Variants in SLIT3 observed in about 807,000 individuals in gnomAD.
SLIT3 encodes slit homolog 3 protein.
SLIT3 carries 68 observed loss-of-function variants against 184.0 expected under a neutral mutation model. The ratio of observed to expected loss-of-function variants is 0.37; its 90% CI spans 0.30 to 0.45. The LOEUF is 0.45. Among genes scored for constraint, SLIT3 ranks in the 20% least tolerant of loss-of-function variants. SLIT3 has a pLI of 1.00. For missense variants in SLIT3, 1,707 were observed against 2,026.0 expected (o/e 0.84, Z 3.02); for synonymous variants, 831 against 828.6 (o/e 1.00, Z -0.05).
chr5:168,976,595 C>G (rs1754771323), intron 4 of SLIT3, among the ~76,000 whole-genome samples: 1 of 152,210 alleles, frequency 6.6e-6, no homozygotes, highest in Non-Finnish European at 1.5e-5. Context: ...CTGTATGTGA[C>G]AGCTGCAGGA....
intron 6 of SLIT3, among the ~76,000 whole-genome samples, chr5:168,829,356 CCTCT>C (rs1757806770): frequency 6.6e-6 from 1 of 152,224 alleles, no homozygotes; most frequent in African/African-American, 2.4e-5. Flanking sequence ...GCCACTGCAG[CCTCT>C]CTGTGTGCCA....
chr5:168,996,176 G>A (rs1273890436), intron 4 of SLIT3, among the ~76,000 whole-genome samples: 1 of 152,182 alleles, frequency 6.6e-6, no homozygotes, highest in East Asian at 1.9e-4. Flanking sequence ...CTCTTTTCTT[G>A]AAGGGAGGCC....
chr5:169,133,954 C>T (rs113743914), intron 4 of SLIT3, among the ~76,000 whole-genome samples: 230 of 152,318 alleles, frequency 1.5e-3, no homozygotes, highest in African/African-American at 5.4e-3. Flanking sequence ...AGAGCACAAG[C>T]TGTTAAAACA....
At chr5:169,025,238 T>C (rs1664632820) in intron 4 of SLIT3, among the ~76,000 whole-genome samples, 1 of 152,146 alleles carries the variant, frequency 6.6e-6, no homozygotes, top group South Asian at 2.1e-4. Flanking sequence ...TTAAAGACAC[T>C]ATTATTCAAG....
At chr5:168,946,807 G>C (rs1245058556) in intron 4 of SLIT3, among the ~76,000 whole-genome samples, 2 of 152,166 alleles carry the variant, frequency 1.3e-5, no homozygotes, top group Non-Finnish European at 2.9e-5. Context: ...GGTTTAGAAA[G>C]GGTGTCTTCA....
chr5:169,101,430 T>A (rs1036949424), intron 4 of SLIT3, among the ~76,000 whole-genome samples: 1 of 152,194 alleles, frequency 6.6e-6, no homozygotes, highest in Non-Finnish European at 1.5e-5. Context: ...GTTAAGAGAT[T>A]AAATTCTTAT....
chr5:169,024,089 C>T (rs1406042525), intron 4 of SLIT3: 1 of 152,104 alleles, frequency 6.6e-6, no homozygotes, highest in Non-Finnish European at 1.5e-5. Context: ...GTAGATGGAC[C>T]AGAAAGGTGA....
chr5:168,896,706 G>A (rs1760676106), intron 4 of SLIT3, among the ~76,000 whole-genome samples: 1 of 152,194 alleles, frequency 6.6e-6, no homozygotes, highest in Admixed American at 6.5e-5. Context: ...GAAAATGGTT[G>A]ACTGTGCAGC....
At chr5:169,229,474 AC>A (rs1764920181) in intron 3 of SLIT3, among the ~76,000 whole-genome samples, 1 of 152,166 alleles carries the variant, frequency 6.6e-6, no homozygotes. Context: ...GACATAAAAG[AC>A]TATTAAGTTC....
chr5:169,189,527 GATATATATATATATATATATATATAT>G (rs4042723), intron 4 of SLIT3, among the ~76,000 whole-genome samples: 2,879 of 80,332 alleles, frequency 0.036, 283 homozygotes, highest in East Asian at 0.27. Context: ...AGATAGATGG[GATATATATATATATATATATATATAT>G]ATATATATAT....
At position 168,817,908 on chromosome 5, in the gene SLIT3, G is replaced by C. The variant is rs555109472; in HGVS notation, c.630-445C>G. 2.0e-5 allele frequency among the ~76,000 whole-genome samples: 3 copies of C among 152,238 alleles called. No homozygotes were observed. In the South Asian group the frequency reaches 6.2e-4, roughly 32 times the overall value. On this transcript the variant is annotated intron_variant, in intron 7 of 35. Coordinates refer to ENST00000519560, the MANE Select transcript of SLIT3 (RefSeq NM_003062.4). The stretch of plus-strand genomic sequence containing the variant: ...CCCCCATCTCCAGCGACATGCAGCT[G>C]AGAGACGCTGTTGCCTTTCCCTGAG...
intron 4 of SLIT3, among the ~76,000 whole-genome samples, chr5:168,990,073 T>A (rs1755269707): frequency 1.3e-5 from 2 of 152,188 alleles, no homozygotes; most frequent in Non-Finnish European, 2.9e-5. Flanking sequence ...AGATTCCTAG[T>A]TCCATTCCCC....
intron 7 of SLIT3, among the ~76,000 whole-genome samples, chr5:168,820,953 TC>T (rs1159299810): frequency 1.3e-5 from 2 of 151,126 alleles, no homozygotes; most frequent in South Asian, 2.1e-4. Flanking sequence ...CCACCAGCCG[TC>T]CCCCCCAACC....
intron 4 of SLIT3, among the ~76,000 whole-genome samples, chr5:168,896,607 C>G (rs183265138): frequency 6.6e-6 from 1 of 152,304 alleles, no homozygotes; most frequent in African/African-American, 2.4e-5. Flanking sequence ...TGCAGGGAGA[C>G]TCTCTCTCGT....
chr5:169,235,642 T>C (rs752196711), intron 3 of SLIT3, among the ~76,000 whole-genome samples: 3 of 152,354 alleles, frequency 2.0e-5, no homozygotes, highest in South Asian at 2.1e-4. Context: ...TTAGTCATTA[T>C]GTCTCCTCAG....
chr5:168,973,505 C>T (rs1440895945), intron 4 of SLIT3, among the ~76,000 whole-genome samples: 1 of 152,212 alleles, frequency 6.6e-6, no homozygotes, highest in Non-Finnish European at 1.5e-5. Context: ...CCTCAGCCTC[C>T]AAAGTGCTAG....
At chr5:168,822,100 C>T (rs569396349) in intron 7 of SLIT3, among the ~76,000 whole-genome samples, 6 of 152,204 alleles carry the variant, frequency 3.9e-5, no homozygotes, top group Admixed American at 3.3e-4. Flanking sequence ...GCTTTTCTAA[C>T]AAGTTCTGGG....
intron 4 of SLIT3, among the ~76,000 whole-genome samples, chr5:169,133,212 C>T (rs960141156): frequency 1.6e-4 from 24 of 152,342 alleles, no homozygotes; most frequent in African/African-American, 5.3e-4. Flanking sequence ...CCTTTCCCCA[C>T]CTGCATCCCT....
chr5:168,903,727 G>A (rs1760947238), intron 4 of SLIT3, among the ~76,000 whole-genome samples: 1 of 152,098 alleles, frequency 6.6e-6, no homozygotes, highest in South Asian at 2.1e-4. Flanking sequence ...CTCTGTTATT[G>A]TCCCTGACCT....
Sources: gnomAD v4.1 joint callset for allele counts (sites outside exome capture counted in the v4.1 genomes callset) on GRCh38, gnomAD v4.1.1 for gene constraint, MANE v1.5 for transcripts, NCBI Gene and HGNC (gene_info 2026-07-23, HGNC 2026-07-21) for gene names.